The following BMS1 variants were observed in gnomAD, a reference collection of about 807,000 sequenced individuals.
BMS1 encodes BMS1 ribosome biogenesis factor.
BMS1 carries 53 observed loss-of-function variants against 138.7 expected under a neutral mutation model. The observed-to-expected ratio is 0.38, with a 90% CI of 0.31 to 0.48. BMS1 has a LOEUF of 0.48. Among genes scored for constraint, BMS1 ranks in the 20% least tolerant of loss-of-function variants. BMS1 has a pLI of 0.97. For missense variants in BMS1, 1,360 were observed against 1,565.5 expected (o/e 0.87, Z 2.22); for synonymous variants, 504 against 539.9 (o/e 0.93, Z 0.92).
At chr10:42,828,762 A>G (rs1047596529) in intron 21 of BMS1, among the ~76,000 whole-genome samples, 1 of 152,174 alleles carries the variant, frequency 6.6e-6, no homozygotes, top group Non-Finnish European at 1.5e-5. Context: ...CAGTTTTGTA[A>G]TAAGAGGGTT....
chr10:42,783,585 A>G (rs1408889443), intron 1 of BMS1, among the ~76,000 whole-genome samples: 2 of 152,042 alleles, frequency 1.3e-5, no homozygotes, highest in Non-Finnish European at 2.9e-5. Flanking sequence ...TCAAGCTGTC[A>G]GATTTTATGC....
rs1006290253 is a variant in BMS1 at position 42,834,631 on chromosome 10, T to G, written c.*3535T>G. On this transcript the variant is annotated 3_prime_UTR_variant, in exon 23 of 23. Transcript: ENST00000374518. Reference sequence around the variant, plus strand: ...TGGACATTTAAATGCCAAAGGTGTTTTATTATGAGACTTAGCATTTCATAT... The same window carrying G: ...TGGACATTTAAATGCCAAAGGTGTTGTATTATGAGACTTAGCATTTCATAT... 6.6e-6 allele frequency: 1 copy of G among 152,206 alleles called. No homozygotes were observed. The highest frequency in any genetic ancestry group is 1.5e-5 in the Non-Finnish European group (1 of 68,040). 9.4% of individuals were successfully genotyped at this position (152,206 alleles called of 1,614,324 possible). A position where few individuals can be genotyped will look rare whatever the true frequency, so the allele number is the denominator to read the frequency against.
At chr10:42,823,945 A>G (rs1025717903) in intron 21 of BMS1, among the ~76,000 whole-genome samples, 161 bp downstream of exon 21, 24 of 152,350 alleles carry the variant, frequency 1.6e-4, no homozygotes, top group African/African-American at 5.8e-4. Context: ...ATATTTTGGA[A>G]TGGAACACCA....
At chr10:42,808,081 T>A (rs937892417) in intron 13 of BMS1, among the ~76,000 whole-genome samples, 1 of 152,136 alleles carries the variant, frequency 6.6e-6, no homozygotes, top group African/African-American at 2.4e-5. Flanking sequence ...CATTTTTATA[T>A]CTTCTATACA....
rs554284112 is a variant in BMS1, at chr10:42,831,239, C to T, written c.*143C>T. 9 of 889,984 alleles carry T rather than the reference C, an allele frequency of 1.0e-5. No homozygotes were observed. The highest frequency in any genetic ancestry group is 1.4e-5 in the Non-Finnish European group (8 of 590,848). The allele number at this position is 889,984 out of a possible 1,614,324, so 55.1% of individuals were successfully genotyped here. A position where few individuals can be genotyped will look rare whatever the true frequency, so the allele number is the denominator to read the frequency against. ...CAAACTGTGCCTGCAGGAGGAGGAA[C>T]AGAGAAGCCTGGGCTGCTGGGACTG... On this transcript the variant is annotated 3_prime_UTR_variant, in exon 23 of 23. Coordinates refer to ENST00000374518, the MANE Select transcript of BMS1 (RefSeq NM_014753.4).
intron 21 of BMS1, among the ~76,000 whole-genome samples, chr10:42,828,981 A>G (rs1319237038): frequency 6.6e-6 from 1 of 152,216 alleles, no homozygotes; most frequent in Non-Finnish European, 1.5e-5. Flanking sequence ...GGGTTCCTAA[A>G]CAAAGAATAT....
intron 4 of BMS1, among the ~76,000 whole-genome samples, chr10:42,788,203 GTTA>G (rs532998218): frequency 1.8e-3 from 281 of 152,224 alleles, no homozygotes; most frequent in African/African-American, 6.6e-3. Flanking sequence ...AAAAATAAGT[GTTA>G]TTATTAACGT....
chr10:42,830,453 C>A (rs369244218), intron 22 of BMS1, 31 bp downstream of exon 22: 50 of 1,572,620 alleles, frequency 3.2e-5, no homozygotes, highest in Non-Finnish European at 3.9e-5. Context: ...CTGCACGCTG[C>A]GTTTAGATAG....
chr10:42,801,047 A>C (rs980576537), intron 12 of BMS1, among the ~76,000 whole-genome samples: 3 of 152,130 alleles, frequency 2.0e-5, no homozygotes, highest in African/African-American at 7.2e-5. Flanking sequence ...TTCTTTATCA[A>C]TTCTTGCTCT....
At position 42,784,162 on chromosome 10, in the gene BMS1, AAG is replaced by A. The variant is rs1458397086; in HGVS notation, c.-33-195_-33-194del. 3.3e-5 allele frequency among the ~76,000 whole-genome samples: 5 copies of A among 152,374 alleles called. No individual in the cohort carries two copies. In the South Asian group the frequency reaches 1.0e-3, roughly 32 times the overall value. On this transcript the variant is annotated intron_variant, in intron 1 of 22. Transcript: ENST00000374518. ...TAACTTAACCATAAAATGTAATCTT[AAG>A]AGAGGTAACTCATCTAATTTATAGC...
At chr10:42,824,781 A>G (rs999940373) in intron 21 of BMS1, among the ~76,000 whole-genome samples, 5 of 152,174 alleles carry the variant, frequency 3.3e-5, no homozygotes, top group African/African-American at 1.2e-4. Flanking sequence ...TGCCCTTATC[A>G]AAAATTAGTT....
At chr10:42,788,298 G>A (rs1334242042) in intron 4 of BMS1, among the ~76,000 whole-genome samples, 2 of 152,058 alleles carry the variant, frequency 1.3e-5, no homozygotes, top group Non-Finnish European at 2.9e-5. Flanking sequence ...TATTTAAAAT[G>A]TAGCAAGCTT....
At chr10:42,807,719 C>T (rs183989396) in intron 13 of BMS1, among the ~76,000 whole-genome samples, 1 of 152,218 alleles carries the variant, frequency 6.6e-6, no homozygotes, top group East Asian at 1.9e-4. Flanking sequence ...AACTCCTGGC[C>T]TGTTTTCAAT....
intron 13 of BMS1, among the ~76,000 whole-genome samples, chr10:42,807,614 G>A (rs1842050043): frequency 6.6e-6 from 1 of 152,140 alleles, no homozygotes; most frequent in Admixed American, 6.5e-5. Context: ...TGGGACTACA[G>A]GCATGCACCA....
At chr10:42,787,027 T>C in intron 3 of BMS1, 141 bp from the exon 4 acceptor site, 3 of 671,950 alleles carry the variant, frequency 4.5e-6, no homozygotes, top group Non-Finnish European at 7.9e-6. Context: ...AGTTTTTGCC[T>C]GTAAAAATGA....
intron 5 of BMS1, 139 bp from the exon 6 acceptor site, chr10:42,791,488 G>A (rs1439195396): frequency 1.7e-5 from 14 of 844,510 alleles, no homozygotes; most frequent in Middle Eastern, 3.6e-4. Flanking sequence ...AAGCCAGCAA[G>A]GCTCTGGAAG....
chr10:42,809,738 A>T (rs1397771234), intron 13 of BMS1, among the ~76,000 whole-genome samples: 2 of 152,090 alleles, frequency 1.3e-5, no homozygotes, highest in Non-Finnish European at 2.9e-5. Flanking sequence ...AGTTGATATG[A>T]TCATCTGGAT....
intron 13 of BMS1, among the ~76,000 whole-genome samples, chr10:42,811,593 C>T (rs1237183173): frequency 2.4e-5 from 3 of 123,978 alleles, no homozygotes; most frequent in Admixed American, 1.8e-4. Context: ...GGCGGGATCT[C>T]GGCTCACTGC....
intron 12 of BMS1, among the ~76,000 whole-genome samples, chr10:42,800,525 A>ATTT (rs71533043): frequency 2.3e-5 from 3 of 131,332 alleles, no homozygotes; most frequent in Non-Finnish European, 3.3e-5. Context: ...TAAATGCTTG[A>ATTT]TTTTTTTTTT....
Sources: allele counts gnomAD v4.1 joint callset (sites outside exome capture counted in the v4.1 genomes callset), GRCh38; gene constraint gnomAD v4.1.1; transcripts MANE v1.5; gene names NCBI Gene and HGNC (gene_info 2026-07-23, HGNC 2026-07-21).